TGDS: variants seen among roughly 807,000 people sequenced by gnomAD.
TGDS encodes the protein UDP-D-glucose 4,6-dehydratase.
In TGDS, 47 loss-of-function variants were observed where a neutral mutation model predicts 52.3. That is an observed-to-expected ratio of 0.90 (90% CI 0.71 to 1.15). The LOEUF (loss-of-function observed/expected upper bound fraction) is 1.15. TGDS is among the 50% of genes most tolerant of loss of function. The probability of loss-of-function intolerance (pLI) is 0.00; values close to 1 mark genes in which losing one functional copy is unlikely to be tolerated. For missense variants in TGDS, 375 were observed against 418.4 expected (o/e 0.90, Z 0.90); for synonymous variants, 115 against 136.9 (o/e 0.84, Z 1.12).
At chr13:94,580,169 A>G (rs893779614) in intron 6 of TGDS, among the ~76,000 whole-genome samples, 2 of 152,210 alleles carry the variant, frequency 1.3e-5, no homozygotes, top group African/African-American at 4.8e-5. Context: ...GAAGAGGAAT[A>G]TTCTTTTATT....
chr13:94,591,823 CTT>C (rs1889212922), intron 3 of TGDS, among the ~76,000 whole-genome samples: 1 of 152,188 alleles, frequency 6.6e-6, no homozygotes, highest in Non-Finnish European at 1.5e-5. Flanking sequence ...TATAGAATAA[CTT>C]TAAAAAATAC....
In TGDS at chr13:94,576,421, C is replaced by G; in HGVS notation, c.885-10G>C. The G allele has an allele frequency of 2.6e-6, 4 of 1,536,384 alleles. No individual in the cohort carries two copies. The highest frequency in any genetic ancestry group is 3.5e-6 in the Non-Finnish European group (4 of 1,130,538). On this transcript the variant is annotated splice_polypyrimidine_tract_variant and intron_variant, in intron 10 of 11. Transcript: ENST00000261296. ...CATGTCATTGGTGGGTCTTGGAAAA[C>G]AAAACAGATTTAAAATAATATTGTA...
intron 11 of TGDS, among the ~76,000 whole-genome samples, chr13:94,575,285 C>CTTT (rs66717082): frequency 8.8e-5 from 10 of 113,176 alleles, no homozygotes; most frequent in Middle Eastern, 5.1e-3. Flanking sequence ...AACTTCCTTG[C>CTTT]TTTTTTTTTT....
chr13:94,577,951 G>C, intron 9 of TGDS, 54 bp downstream of exon 9: 1 of 1,545,756 alleles, frequency 6.5e-7, no homozygotes, highest in Non-Finnish European at 8.8e-7. Context: ...TTTGACTAAT[G>C]GTCACTGCCA....
Position 94,579,906 on chromosome 13 carries a change from T to A in TGDS, c.603A>T (p.Gln201His), listed in dbSNP as rs755643462. ...AAGTAAAATTTACCTTTTCTGGATA[T>A]TGATGTGGTCCATAAACATTACTGC... ...TRSSNVYGPH[Q>H]YPEKVIPKFI... Residue 201 changes from glutamine (Q) to histidine (H), a missense_variant, in exon 7 of 12, where the codon CAA becomes CAT. By Grantham distance (24) the Gln-to-His change is conservative. Transcript: ENST00000261296. 2 of 1,596,740 alleles carry A rather than the reference T, an allele frequency of 1.3e-6. No homozygotes were observed. The highest frequency in any genetic ancestry group is 8.6e-7 in the Non-Finnish European group (1 of 1,167,842).
chr13:94,583,808 T>C (rs1888885795), intron 4 of TGDS, among the ~76,000 whole-genome samples: 2 of 152,084 alleles, frequency 1.3e-5, no homozygotes, highest in Admixed American at 6.5e-5. Flanking sequence ...AAAAACCATG[T>C]GAAATTACAG....
chr13:94,593,950 TC>T lies in TGDS; in HGVS notation c.87-44del, dbSNP rs1246227337. The T allele has an allele frequency of 5.7e-6, 7 of 1,217,446 alleles. No homozygotes were observed. The East Asian group carries it at 1.7e-4, about 29-fold the overall frequency. The allele number at this position is 1,217,446 out of a possible 1,614,324, so 75.4% of individuals were successfully genotyped here. ...ATCTTGTTAGTGAAAAACTTTAACT[TC>T]CCTAAACTCTTGAATATTTTCCTAA... On this transcript the variant is annotated intron_variant, in intron 1 of 11. Transcript: ENST00000261296.
At chr13:94,576,459 C>A in intron 10 of TGDS, 48 bp from the exon 11 acceptor site, 1 of 1,297,304 alleles carries the variant, frequency 7.7e-7, no homozygotes, top group Non-Finnish European at 1.0e-6. Flanking sequence ...TATATATTTA[C>A]AAATTTAGAT....
In TGDS at chr13:94,578,186, G is replaced by T. The variant is rs531319099; in HGVS notation, c.660-16C>A. 5.6e-6 allele frequency: 9 copies of T among 1,611,176 alleles called. No individual in the cohort carries two copies. In the South Asian group the frequency reaches 1.0e-4, roughly 18 times the overall value. On this transcript the variant is annotated splice_polypyrimidine_tract_variant and intron_variant, in intron 8 of 11. Coordinates refer to ENST00000261296, the MANE Select transcript of TGDS (RefSeq NM_014305.4). ...ATGAATGCAACTAAAGAGATTAAAC[G>T]AAGTGAAATCATAAAGTGTAAAAAG...
chr13:94,587,894 G>A (rs1433603375), intron 4 of TGDS, among the ~76,000 whole-genome samples: 2 of 151,416 alleles, frequency 1.3e-5, no homozygotes, highest in African/African-American at 4.9e-5. Flanking sequence ...CTACTCGGGA[G>A]GCTGAGGCAG....
chr13:94,588,126 C>G (rs527880779), intron 4 of TGDS, among the ~76,000 whole-genome samples: 10 of 151,890 alleles, frequency 6.6e-5, no homozygotes, highest in African/African-American at 2.4e-4. Context: ...CGGGAAAAGG[C>G]TGGGCGTGGT....
At chr13:94,586,721 T>A (rs1888996210) in intron 4 of TGDS, among the ~76,000 whole-genome samples, 1 of 150,380 alleles carries the variant, frequency 6.6e-6, no homozygotes, top group Non-Finnish European at 1.5e-5. Context: ...CGTGTCTAAG[T>A]AACCCACGGA....
intron 3 of TGDS, among the ~76,000 whole-genome samples, chr13:94,591,950 T>G (rs1338350113): frequency 6.6e-6 from 1 of 152,214 alleles, no homozygotes; most frequent in African/African-American, 2.4e-5. Context: ...TCAATCAACC[T>G]TCATAGGGAA....
chr13:94,589,319 C>CCT (rs1555343005), intron 4 of TGDS, among the ~76,000 whole-genome samples: 6 of 146,612 alleles, frequency 4.1e-5, no homozygotes, highest in Non-Finnish European at 9.0e-5. Context: ...CAAAAGATTT[C>CCT]TTTTTTTTTT....
chr13:94,577,871 G>C (rs972521480), intron 9 of TGDS, 134 bp downstream of exon 9: 32 of 896,462 alleles, frequency 3.6e-5, no homozygotes, highest in Non-Finnish European at 4.9e-5. Context: ...AGACACATAT[G>C]GTACACAAAA....
intron 3 of TGDS, among the ~76,000 whole-genome samples, chr13:94,591,634 C>A (rs1375019237): frequency 1.3e-5 from 2 of 152,124 alleles, no homozygotes; most frequent in Admixed American, 6.6e-5. Flanking sequence ...TTTGAAAACA[C>A]ATTTTATCAC....
intron 4 of TGDS, among the ~76,000 whole-genome samples, chr13:94,586,569 G>A (rs201583380): frequency 2.0e-5 from 3 of 152,076 alleles, no homozygotes; most frequent in East Asian, 3.9e-4. Context: ...CACGATTTAC[G>A]GAAAGTGACC....
intron 4 of TGDS, among the ~76,000 whole-genome samples, chr13:94,586,108 G>C (rs1405328877): frequency 2.0e-5 from 3 of 151,914 alleles, no homozygotes; most frequent in Non-Finnish European, 4.4e-5. Flanking sequence ...AAAAAAGTAA[G>C]CAGCAACCAA....
At chr13:94,593,814 CATG>C in intron 2 of TGDS, 24 bp downstream of exon 2, 1 of 1,383,078 alleles carries the variant, frequency 7.2e-7, no homozygotes, top group Non-Finnish European at 1.0e-6. Context: ...AATTTCAGTG[CATG>C]ATGCTCATTT....
Sources: allele counts gnomAD v4.1 joint callset (sites outside exome capture counted in the v4.1 genomes callset), GRCh38; gene constraint gnomAD v4.1.1; transcripts MANE v1.5; gene names NCBI Gene and HGNC (gene_info 2026-07-23, HGNC 2026-07-21).